DIP2C: variants seen among roughly 807,000 people sequenced by gnomAD.
The protein encoded by DIP2C is DIP2 acetate--CoA ligase C (putative).
DIP2C carries 33 observed loss-of-function variants against 192.4 expected under a neutral mutation model. The observed-to-expected ratio is 0.17, with a 90% confidence interval of 0.13 to 0.23. DIP2C has a LOEUF of 0.23. Among genes scored for constraint, DIP2C ranks in the 10% least tolerant of loss-of-function variants. The probability of loss-of-function intolerance (pLI) is 1.00; values close to 1 mark genes in which losing one functional copy is unlikely to be tolerated. For missense variants in DIP2C, 1,537 were observed against 2,110.1 expected (o/e 0.73, Z 5.32); for synonymous variants, 979 against 864.1 (o/e 1.13, Z -2.33).
At chr10:624,037 AC>A (rs1431315313) in intron 1 of DIP2C, among the ~76,000 whole-genome samples, 1 of 152,200 alleles carries the variant, frequency 6.6e-6, no homozygotes, top group Non-Finnish European at 1.5e-5. Context: ...TCGAACCGCC[AC>A]CCTGCTCCTT....
chr10:661,793 CTTCCA>C (rs1437135571), intron 1 of DIP2C, among the ~76,000 whole-genome samples: 1 of 152,230 alleles, frequency 6.6e-6, no homozygotes, highest in African/African-American at 2.4e-5. Flanking sequence ...CCCAAGCCTC[CTTCCA>C]TATTTCCAAA....
intron 1 of DIP2C, among the ~76,000 whole-genome samples, chr10:552,239 C>T (rs1419535356): frequency 1.3e-5 from 2 of 152,200 alleles, no homozygotes; most frequent in African/African-American, 2.4e-5. Context: ...CGTGAAGTTC[C>T]AGTAGCAAGA....
At chr10:390,419 C>T (rs375810595) in intron 11 of DIP2C, 46 bp from the exon 12 acceptor site, 113 of 1,571,550 alleles carry the variant, frequency 7.2e-5, no homozygotes, top group African/African-American at 1.8e-4. Context: ...CTCTGAAAGT[C>T]GGTCTGTAGA....
intron 31 of DIP2C, among the ~76,000 whole-genome samples, chr10:316,378 CGA>C (rs1041039708): frequency 1.3e-5 from 2 of 152,178 alleles, no homozygotes; most frequent in African/African-American, 2.4e-5. Flanking sequence ...TGCTTCACGG[CGA>C]GAGATCTGCT....
chr10:419,946 G>A (rs961334748), intron 5 of DIP2C, among the ~76,000 whole-genome samples: 1 of 152,140 alleles, frequency 6.6e-6, no homozygotes, highest in African/African-American at 2.4e-5. Context: ...TCTATTTAAT[G>A]AATAACGCAT....
chr10:659,387 CACAT>C (rs1856613964), intron 1 of DIP2C, among the ~76,000 whole-genome samples: 1 of 152,232 alleles, frequency 6.6e-6, no homozygotes, highest in African/African-American at 2.4e-5. Flanking sequence ...AATGCAAACA[CACAT>C]ACATATATAC....
rs1490557674 is a variant in DIP2C at position 275,507 on chromosome 10, T to G, written c.*1818A>C. 1 of 147,412 alleles carries G rather than the reference T, an allele frequency of 6.8e-6. No homozygotes were observed. The highest frequency in any genetic ancestry group is 1.5e-5 in the Non-Finnish European group (1 of 67,428). 9.1% of individuals were successfully genotyped at this position (147,412 alleles called of 1,614,324 possible). ...TTTTTTTTTTAACAACAATCAGCCT[T>G]GGATCTCAGAAGTCAAACAAAACTC... On this transcript the variant is annotated 3_prime_UTR_variant, in exon 37 of 37. Transcript: ENST00000280886.
chr10:578,242 C>A (rs1450718298), intron 1 of DIP2C, among the ~76,000 whole-genome samples: 1 of 152,212 alleles, frequency 6.6e-6, no homozygotes, highest in Non-Finnish European at 1.5e-5. Flanking sequence ...TTGTCATGAA[C>A]TGTTTATATT....
At chr10:412,520 T>A (rs1965253522) in intron 8 of DIP2C, among the ~76,000 whole-genome samples, 1 of 152,230 alleles carries the variant, frequency 6.6e-6, no homozygotes, top group Non-Finnish European at 1.5e-5. Flanking sequence ...TTATGCTTCA[T>A]CATGGATGCC....
intron 3 of DIP2C, among the ~76,000 whole-genome samples, chr10:453,623 G>A (rs1326180751): frequency 3.3e-5 from 5 of 152,204 alleles, no homozygotes; most frequent in Non-Finnish European, 5.9e-5. Flanking sequence ...CACGTAAATG[G>A]AAGATGATTC....
At chr10:546,066 G>C (rs1050395368) in intron 1 of DIP2C, among the ~76,000 whole-genome samples, 3 of 152,152 alleles carry the variant, frequency 2.0e-5, no homozygotes, top group Non-Finnish European at 2.9e-5. Context: ...TGGGTCACTT[G>C]AAGTCAGGAG....
intron 6 of DIP2C, among the ~76,000 whole-genome samples, chr10:417,603 G>A (rs921741411): frequency 6.6e-6 from 1 of 150,692 alleles, no homozygotes; most frequent in African/African-American, 2.5e-5. Flanking sequence ...AGCTAGGATA[G>A]GCATCCCTGT....
intron 1 of DIP2C, among the ~76,000 whole-genome samples, chr10:644,724 G>A (rs1855366667): frequency 6.6e-6 from 1 of 152,202 alleles, no homozygotes; most frequent in Non-Finnish European, 1.5e-5. Context: ...TCTGCCCAAT[G>A]CCCCCACTTC....
chr10:478,011 G>GA (rs1491527596), intron 2 of DIP2C, among the ~76,000 whole-genome samples: 1 of 17,236 alleles, frequency 5.8e-5, no homozygotes, highest in Non-Finnish European at 1.3e-4. Flanking sequence ...GGAAAAAAGA[G>GA]GGGAGGGGAG....
At chr10:301,968 TAG>T in intron 32 of DIP2C, among the ~76,000 whole-genome samples, 1 of 101,198 alleles carries the variant, frequency 9.9e-6, no homozygotes, top group East Asian at 3.4e-4. Context: ...GGTTTTCAAG[TAG>T]ACTGCAAGTT....
intron 1 of DIP2C, among the ~76,000 whole-genome samples, chr10:642,992 C>T (rs113798138): frequency 2.1e-5 from 3 of 141,180 alleles, no homozygotes; most frequent in African/African-American, 8.0e-5. Context: ...TCACTTGAGG[C>T]CAACAGTTTA....
At chr10:566,021 G>A (rs1317695990) in intron 1 of DIP2C, among the ~76,000 whole-genome samples, 1 of 152,306 alleles carries the variant, frequency 6.6e-6, no homozygotes, top group South Asian at 2.1e-4. Context: ...TCAGAACCCT[G>A]ACAGAGAGGG....
chr10:410,849 A>G (rs917603222), intron 8 of DIP2C, among the ~76,000 whole-genome samples: 10 of 152,248 alleles, frequency 6.6e-5, no homozygotes, highest in Admixed American at 5.9e-4. Flanking sequence ...TACTTCTCAA[A>G]GAGAAAAGGC....
chr10:682,697 G>A (rs1420168772), intron 1 of DIP2C, among the ~76,000 whole-genome samples: 1 of 151,474 alleles, frequency 6.6e-6, no homozygotes, highest in Non-Finnish European at 1.5e-5. Flanking sequence ...AATTTTTAAT[G>A]GTATATTACT....
Sources: gnomAD v4.1 joint callset for allele counts (sites outside exome capture counted in the v4.1 genomes callset) on GRCh38, gnomAD v4.1.1 for gene constraint, MANE v1.5 for transcripts, NCBI Gene and HGNC (gene_info 2026-07-23, HGNC 2026-07-21) for gene names.